The following ESRRB variants were observed in gnomAD, a reference collection of about 807,000 sequenced individuals.
ESRRB encodes the protein estrogen related receptor beta, also known as steroid hormone receptor ERR2.
In ESRRB, 16 loss-of-function variants were observed where a neutral mutation model predicts 46.0. The ratio of observed to expected loss-of-function variants is 0.35; its 90% CI spans 0.24 to 0.53. ESRRB has a LOEUF of 0.53. ESRRB is among the 20% of genes least tolerant of loss of function. ESRRB has a pLI of 0.93. For missense variants in ESRRB, 488 were observed against 607.4 expected (o/e 0.80, Z 2.07); for synonymous variants, 246 against 259.6 (o/e 0.95, Z 0.50).
At chr14:76,469,835 T>C (rs1284543977) in intron 3 of ESRRB, among the ~76,000 whole-genome samples, 2 of 151,612 alleles carry the variant, frequency 1.3e-5, no homozygotes, top group African/African-American at 4.8e-5. Context: ...CCCCTTTCTT[T>C]AAAAAAACTT....
At chr14:76,366,234 A>C (rs890610313) in intron 1 of ESRRB, among the ~76,000 whole-genome samples, 1 of 152,182 alleles carries the variant, frequency 6.6e-6, no homozygotes, top group East Asian at 1.9e-4. Context: ...ACTCCTGTAA[A>C]AGATTTTCTT....
chr14:76,388,133 A>C (rs1026804843), intron 1 of ESRRB, among the ~76,000 whole-genome samples: 2 of 145,188 alleles, frequency 1.4e-5, no homozygotes, highest in African/African-American at 5.1e-5. Flanking sequence ...CCCCGATGTT[A>C]TGTGTCGCTC....
At chr14:76,473,801 T>C (rs1468838010) in intron 3 of ESRRB, among the ~76,000 whole-genome samples, 1 of 152,214 alleles carries the variant, frequency 6.6e-6, no homozygotes, top group African/African-American at 2.4e-5. Flanking sequence ...ATGTGTAAGG[T>C]GCCGGCTGTG....
At chr14:76,444,229 C>T (rs968825591) in intron 2 of ESRRB, among the ~76,000 whole-genome samples, 8 of 152,066 alleles carry the variant, frequency 5.3e-5, no homozygotes, top group Non-Finnish European at 1.0e-4. Context: ...GACGGGGTTT[C>T]GTCATGTTGG....
chr14:76,415,799 G>A (rs896999094), intron 1 of ESRRB, among the ~76,000 whole-genome samples: 10 of 151,998 alleles, frequency 6.6e-5, no homozygotes, highest in East Asian at 1.9e-4. Context: ...GAGCCACTGC[G>A]CCTGATAAGC....
chr14:76,369,461 A>C (rs1180473235), upstream of ESRRB, among the ~76,000 whole-genome samples: 1 of 151,772 alleles, frequency 6.6e-6, no homozygotes, highest in Non-Finnish European at 1.5e-5. Flanking sequence ...TTCTGTAAAG[A>C]CAAGGTCTCG....
At chr14:76,325,460 G>A (rs1883919072) in intron 1 of ESRRB, among the ~76,000 whole-genome samples, 1 of 152,124 alleles carries the variant, frequency 6.6e-6, no homozygotes, top group East Asian at 1.9e-4. Flanking sequence ...GTGTAAGGAA[G>A]GCAAGCACAC....
chr14:76,344,966 T>G (rs1050638827), intron 1 of ESRRB, among the ~76,000 whole-genome samples: 1 of 152,222 alleles, frequency 6.6e-6, no homozygotes, highest in Non-Finnish European at 1.5e-5. Context: ...AGTTCCTTTA[T>G]CTACTCGTTG....
chr14:76,363,633 C>T (rs1372279728), intron 1 of ESRRB, among the ~76,000 whole-genome samples: 2 of 152,200 alleles, frequency 1.3e-5, no homozygotes, highest in Non-Finnish European at 2.9e-5. Flanking sequence ...TTTCTAAATA[C>T]ATGGACAGTG....
At chr14:76,355,994 G>A (rs1021342362) in intron 1 of ESRRB, among the ~76,000 whole-genome samples, 2 of 152,232 alleles carry the variant, frequency 1.3e-5, no homozygotes, top group African/African-American at 4.8e-5. Flanking sequence ...CTGGGCTCCA[G>A]CCAAGTGGAG....
intron 1 of ESRRB, among the ~76,000 whole-genome samples, chr14:76,350,886 G>A (rs1026018915): frequency 1.3e-5 from 2 of 152,210 alleles, no homozygotes; most frequent in African/African-American, 4.8e-5. Context: ...ATGAGGCTTT[G>A]GCAGTGCTGA....
chr14:76,371,276 C>G (rs1426748188), upstream of ESRRB: 1 of 152,264 alleles, frequency 6.6e-6, no homozygotes, highest in Non-Finnish European at 1.5e-5. Context: ...AATGGGCTAG[C>G]AGTCTGCTGA....
At chr14:76,318,230 T>C (rs1883824837) in intron 1 of ESRRB, among the ~76,000 whole-genome samples, 1 of 152,152 alleles carries the variant, frequency 6.6e-6, no homozygotes, top group Non-Finnish European at 1.5e-5. Context: ...CCAGGTTTGC[T>C]AAAAGTCCTT....
At chr14:76,320,632 C>A (rs950019647) in intron 1 of ESRRB, among the ~76,000 whole-genome samples, 2 of 152,152 alleles carry the variant, frequency 1.3e-5, no homozygotes, top group African/African-American at 4.8e-5. Context: ...AAGTAGATGC[C>A]AACCCCCACA....
At chr14:76,356,417 C>T (rs566729491) in intron 1 of ESRRB, among the ~76,000 whole-genome samples, 5 of 152,198 alleles carry the variant, frequency 3.3e-5, no homozygotes, top group Admixed American at 6.5e-5. Context: ...AAGGAGACTG[C>T]GACAGAGACT....
intron 1 of ESRRB, among the ~76,000 whole-genome samples, chr14:76,423,436 G>T (rs139654044): frequency 2.1e-4 from 32 of 152,254 alleles, no homozygotes; most frequent in African/African-American, 7.7e-4. Flanking sequence ...GAGCCACCGC[G>T]CCATCCTTTC....
At chr14:76,403,631 T>G (rs1886036013) in intron 1 of ESRRB, among the ~76,000 whole-genome samples, 1 of 152,134 alleles carries the variant, frequency 6.6e-6, no homozygotes, top group Non-Finnish European at 1.5e-5. Flanking sequence ...GCTCTACATT[T>G]CCTTGCTGCA....
intron 1 of ESRRB, among the ~76,000 whole-genome samples, chr14:76,405,785 A>T (rs1566879990): frequency 6.6e-6 from 1 of 151,194 alleles, no homozygotes; most frequent in Non-Finnish European, 1.5e-5. Context: ...ATGCACCTGT[A>T]GTCTTAGCTA....
chr14:76,316,223 T>C (rs1383701585), intron 1 of ESRRB, among the ~76,000 whole-genome samples: 1 of 152,224 alleles, frequency 6.6e-6, no homozygotes. Flanking sequence ...ATGTCTGCAG[T>C]CCTGAGACCC....
Sources: gnomAD v4.1 joint callset for allele counts (sites outside exome capture counted in the v4.1 genomes callset) on GRCh38, gnomAD v4.1.1 for gene constraint, MANE v1.5 for transcripts, NCBI Gene and HGNC (gene_info 2026-07-23, HGNC 2026-07-21) for gene names.